The following KDM2A variants were observed in gnomAD, a reference collection of about 807,000 sequenced individuals.
KDM2A encodes the protein lysine demethylase 2A.
A neutral mutation model predicts 137.3 loss-of-function variants in KDM2A; 3 were observed. That is an observed-to-expected ratio of 0.02 (90% confidence interval 0.01 to 0.06). The LOEUF is 0.06. KDM2A is among the 10% of genes least tolerant of loss of function. KDM2A has a pLI of 1.00. For synonymous variants in KDM2A, 512 were observed against 541.5 expected, an observed-to-expected ratio of 0.95 and a Z score of 0.76; for missense variants, 738 against 1,510.6, an observed-to-expected ratio of 0.49 and a Z score of 8.48.
chr11:67,226,163 A>G (rs933167258), intron 10 of KDM2A, among the ~76,000 whole-genome samples: 2 of 152,148 alleles, frequency 1.3e-5, no homozygotes, highest in Non-Finnish European at 2.9e-5. Flanking sequence ...AGGCTGAGGC[A>G]GGAGAATTGC....
At chr11:67,242,524 A>G (rs1859077025) in intron 12 of KDM2A, among the ~76,000 whole-genome samples, 2 of 152,230 alleles carry the variant, frequency 1.3e-5, no homozygotes, top group Non-Finnish European at 2.9e-5. Flanking sequence ...AAGCAATAAT[A>G]AAGTTTTACT....
At chr11:67,230,405 C>T (rs1247312153) in intron 11 of KDM2A, among the ~76,000 whole-genome samples, 5 of 152,094 alleles carry the variant, frequency 3.3e-5, no homozygotes, top group African/African-American at 1.2e-4. Context: ...AGGTGGAAGG[C>T]ACACCTAAGT....
chr11:67,255,752 T>C lies in KDM2A; in HGVS notation c.*697T>C, dbSNP rs577364866. The C allele has an allele frequency of 4.2e-5, 15 of 356,904 alleles. No individual in the cohort carries two copies. The highest frequency in any genetic ancestry group is 1.7e-4 in the African/African-American group (8 of 46,948). The allele number at this position is 356,904 out of a possible 1,614,324, so 22.1% of individuals were successfully genotyped here. On this transcript the variant is annotated 3_prime_UTR_variant, in exon 21 of 21. Transcript: ENST00000529006. ...CTCTATGAGGTCCTTATTGCACTTA[T>C]TGGGGTTGAAGCTCTTCAGAGGAGC...
At position 67,232,443 on chromosome 11, in the gene KDM2A, A is replaced by T. The variant is rs572733315; in HGVS notation, c.1479+483A>T. Among the ~76,000 whole-genome samples, 3 of 152,266 alleles carry T rather than the reference A, an allele frequency of 2.0e-5. No homozygotes were observed. In the South Asian group the frequency reaches 6.2e-4, roughly 32 times the overall value. ...ACTTAAATACATTGGGAAAAGCATC[A>T]TTTTAAAATAATTCATCCCATTGCT... is the stretch of plus-strand genomic sequence containing the variant. On this transcript the variant is annotated intron_variant, in intron 12 of 20. Transcript: ENST00000529006.
intron 2 of KDM2A, among the ~76,000 whole-genome samples, chr11:67,156,026 G>A (rs191238037): frequency 2.1e-5 from 3 of 142,290 alleles, no homozygotes; most frequent in African/African-American, 7.7e-5. Flanking sequence ...AGGGCAGACG[G>A]ATCACCTGAA....
At chr11:67,200,149 C>T (rs1857581731) in intron 5 of KDM2A, among the ~76,000 whole-genome samples, 1 of 152,108 alleles carries the variant, frequency 6.6e-6, no homozygotes, top group Admixed American at 6.5e-5. Flanking sequence ...TTACTGCTCA[C>T]TGGCAGTGTA....
chr11:67,248,926 C>T (rs1440825689), intron 16 of KDM2A, among the ~76,000 whole-genome samples: 1 of 152,184 alleles, frequency 6.6e-6, no homozygotes, highest in Non-Finnish European at 1.5e-5. Context: ...GGTTGCTGAC[C>T]AGTGGTTGCC....
intron 2 of KDM2A, among the ~76,000 whole-genome samples, chr11:67,155,916 G>A (rs1429320216): frequency 1.1e-3 from 131 of 122,354 alleles, no homozygotes; most frequent in Non-Finnish European, 1.7e-3. Context: ...GCGCCTGGCC[G>A]GTTTTTATTT....
intron 19 of KDM2A, 57 bp downstream of exon 19, chr11:67,253,668 C>G: frequency 6.4e-7 from 1 of 1,566,966 alleles, no homozygotes; most frequent in South Asian, 1.1e-5. Context: ...GTCTTCCAAA[C>G]AGACCTCGTC....
chr11:67,169,153 A>G (rs1856818937), intron 2 of KDM2A, among the ~76,000 whole-genome samples: 2 of 151,776 alleles, frequency 1.3e-5, no homozygotes, highest in South Asian at 2.1e-4. Context: ...ATGGGGTTTC[A>G]ACATCTTGGC....
intron 10 of KDM2A, among the ~76,000 whole-genome samples, chr11:67,222,909 A>G (rs1858409393): frequency 6.6e-6 from 1 of 151,632 alleles, no homozygotes; most frequent in South Asian, 2.1e-4. Context: ...GAAAAAAAAA[A>G]AAGGCCAGGC....
intron 2 of KDM2A, among the ~76,000 whole-genome samples, chr11:67,124,864 T>TC (rs1324431800): frequency 1.4e-5 from 2 of 147,440 alleles, no homozygotes; most frequent in Non-Finnish European, 3.0e-5. Flanking sequence ...TTTTCTTTCT[T>TC]TTTTTTTTTT....
chr11:67,155,011 G>A (rs1856481788), intron 2 of KDM2A, among the ~76,000 whole-genome samples: 1 of 152,040 alleles, frequency 6.6e-6, no homozygotes, highest in Non-Finnish European at 1.5e-5. Flanking sequence ...CTTGTTTTTA[G>A]TTCTTTTGTT....
In KDM2A at chr11:67,128,081, C is replaced by G. The variant is rs181317651; in HGVS notation, c.42+6723C>G. 5.8e-3 allele frequency among the ~76,000 whole-genome samples: 869 copies of G among 150,040 alleles called. 10 individuals carry two copies. Among genetic ancestry groups the G allele is most frequent in the Admixed American group, 7.8e-3 (116 of 14,922 alleles). On this transcript the variant is annotated intron_variant, in intron 2 of 20. Coordinates refer to ENST00000529006, the MANE Select transcript of KDM2A (RefSeq NM_012308.3). ...CCAGGCCGGAGTGCAATGGCACTACCACTGCAGCATCAGCCTCCCCAAGTG... is the reference window on the plus strand; with the variant it reads ...CCAGGCCGGAGTGCAATGGCACTACGACTGCAGCATCAGCCTCCCCAAGTG...
chr11:67,161,314 C>T (rs1856633173), intron 2 of KDM2A, among the ~76,000 whole-genome samples: 1 of 152,052 alleles, frequency 6.6e-6, no homozygotes, highest in African/African-American at 2.4e-5. Context: ...AAATTGTATC[C>T]ACGTGAAACC....
intron 2 of KDM2A, among the ~76,000 whole-genome samples, chr11:67,126,390 CAT>C (rs1855731984): frequency 1.3e-5 from 2 of 151,932 alleles, no homozygotes; most frequent in Non-Finnish European, 2.9e-5. Flanking sequence ...GTCTGGGCAA[CAT>C]AGACCCCCGT....
chr11:67,132,976 G>A (rs1435689211), intron 2 of KDM2A, among the ~76,000 whole-genome samples: 1 of 152,154 alleles, frequency 6.6e-6, no homozygotes, highest in Non-Finnish European at 1.5e-5. Flanking sequence ...TGGCAGTGAA[G>A]GACTGACTAA....
At chr11:67,127,057 G>T (rs1855747058) in intron 2 of KDM2A, among the ~76,000 whole-genome samples, 1 of 152,148 alleles carries the variant, frequency 6.6e-6, no homozygotes, top group Admixed American at 6.6e-5. Context: ...TCCTTTTGAT[G>T]CTGGGGTGGG....
intron 2 of KDM2A, 149 bp from the exon 3 acceptor site, chr11:67,179,930 A>G (rs945505141): frequency 4.3e-6 from 3 of 698,616 alleles, no homozygotes; most frequent in Admixed American, 3.3e-5. Flanking sequence ...AATATCAGCT[A>G]TCTTGAGAGA....
Sources: allele counts gnomAD v4.1 joint callset (sites outside exome capture counted in the v4.1 genomes callset), GRCh38; gene constraint gnomAD v4.1.1; transcripts MANE v1.5; gene names NCBI Gene and HGNC (gene_info 2026-07-23, HGNC 2026-07-21).